The following DLGAP2 variants were observed in gnomAD, a reference collection of about 807,000 sequenced individuals.
DLGAP2 encodes the protein disks large-associated protein 2.
In DLGAP2, 26 loss-of-function variants were observed where a neutral mutation model predicts 100.3. The ratio of observed to expected loss-of-function variants is 0.26; its 90% CI spans 0.19 to 0.36. The LOEUF is 0.36. Among genes scored for constraint, DLGAP2 ranks in the 10% least tolerant of loss-of-function variants. The probability of loss-of-function intolerance (pLI) is 1.00; values close to 1 mark genes in which losing one functional copy is unlikely to be tolerated. For synonymous variants in DLGAP2, 886 were observed against 630.1 expected (o/e 1.41, Z -6.08); for missense variants, 1,858 against 1,453.2 (o/e 1.28, Z -4.53).
At chr8:1,327,267 C>T (rs77466898) in intron 3 of DLGAP2, among the ~76,000 whole-genome samples, 1,937 of 152,332 alleles carry the variant, frequency 0.013, 54 homozygotes, top group African/African-American at 0.044. Context: ...TTGGCCAAGG[C>T]GGATGTGATG....
At chr8:1,471,571 C>T (rs1047121561) in intron 3 of DLGAP2, among the ~76,000 whole-genome samples, 5 of 151,378 alleles carry the variant, frequency 3.3e-5, no homozygotes, top group Non-Finnish European at 7.4e-5. Context: ...ACGCCCTCCC[C>T]TCCCCAGCCT....
At chr8:1,380,226 G>A (rs764115029) in intron 3 of DLGAP2, 1 of 152,164 alleles carries the variant, frequency 6.6e-6, no homozygotes, top group African/African-American at 2.4e-5. Flanking sequence ...AGCACTTCAG[G>A]CAGCAAAGCG....
chr8:766,252 C>T (rs1050265333), intron 1 of DLGAP2, among the ~76,000 whole-genome samples: 2 of 152,238 alleles, frequency 1.3e-5, no homozygotes, highest in African/African-American at 2.4e-5. Context: ...TGCACATATG[C>T]ACACACACCC....
intron 3 of DLGAP2, among the ~76,000 whole-genome samples, chr8:1,444,021 A>G (rs545045011): frequency 6.5e-4 from 99 of 152,326 alleles, no homozygotes; most frequent in Middle Eastern, 3.4e-3. Context: ...TCCAGTGTTC[A>G]TGATCATTGT....
chr8:1,213,990 C>T (rs1041255065), intron 2 of DLGAP2, among the ~76,000 whole-genome samples: 8 of 151,404 alleles, frequency 5.3e-5, no homozygotes, highest in Admixed American at 4.6e-4. Flanking sequence ...CGCCTCTGCC[C>T]TAGCATCCAT....
chr8:1,701,332 T>C lies in DLGAP2; in HGVS notation c.3094T>C (p.Phe1032Leu). Residue 1032 changes from phenylalanine to leucine, a missense_variant, in exon 15 of 15, where the codon TTC becomes CTC. Physicochemically the swap from Phe to Leu is conservative, Grantham distance 22 (BLOSUM62 0). Coordinates refer to ENST00000637795, the MANE Select transcript of DLGAP2 (RefSeq NM_001346810.2). ...CATGGCCGCCAAGCGAGCGGCGTCC[T>C]TCCGGCAGAATTCCGCCTCCGAGCG... Reference protein sequence around the residue: ...RLMAAKRAASFRQNSASERAD... With the variant: ...RLMAAKRAASLRQNSASERAD... The C allele has an allele frequency of 6.3e-7, 1 of 1,592,632 alleles. No individual in the cohort carries two copies. The highest frequency in any genetic ancestry group is 8.5e-7 in the Non-Finnish European group (1 of 1,170,270).
intron 2 of DLGAP2, among the ~76,000 whole-genome samples, chr8:947,183 A>C (rs1236358067): frequency 2.0e-5 from 3 of 152,106 alleles, no homozygotes; most frequent in African/African-American, 4.8e-5. Flanking sequence ...AGTTGTTCTT[A>C]CTGTAAGAAC....
chr8:1,552,143 G>A (rs1456352468), intron 5 of DLGAP2, among the ~76,000 whole-genome samples: 1 of 152,140 alleles, frequency 6.6e-6, no homozygotes, highest in East Asian at 1.9e-4. Flanking sequence ...TGACGCCACT[G>A]GCCTCCCTCT....
intron 4 of DLGAP2, among the ~76,000 whole-genome samples, chr8:1,534,731 TA>T (rs1156677223): frequency 2.0e-5 from 3 of 152,232 alleles, no homozygotes; most frequent in African/African-American, 7.2e-5. Context: ...GGTCAAAGAT[TA>T]ATCACAAGGC....
intron 2 of DLGAP2, among the ~76,000 whole-genome samples, chr8:922,119 G>A (rs1269778360): frequency 4.6e-5 from 7 of 152,320 alleles, no homozygotes; most frequent in Admixed American, 1.3e-4. Flanking sequence ...AGCAAATGAC[G>A]ATCTGTCCTT....
At chr8:907,806 G>A (rs542795254) in intron 1 of DLGAP2, 106 bp from the exon 2 acceptor site, 1 of 395,770 alleles carries the variant, frequency 2.5e-6, no homozygotes, top group South Asian at 1.4e-4. Flanking sequence ...CTGACTTTGT[G>A]CAACATTGAA....
intron 2 of DLGAP2, among the ~76,000 whole-genome samples, chr8:1,152,418 C>T (rs1315616134): frequency 7.2e-5 from 11 of 152,200 alleles, no homozygotes; most frequent in Non-Finnish European, 1.2e-4. Context: ...AGTATTTAAA[C>T]GGGATGAAAT....
chr8:1,173,211 C>T (rs574932299), intron 2 of DLGAP2, among the ~76,000 whole-genome samples: 4 of 152,254 alleles, frequency 2.6e-5, no homozygotes, highest in Admixed American at 1.3e-4. Flanking sequence ...TCGTGAACCG[C>T]GAATGCTGCT....
intron 4 of DLGAP2, among the ~76,000 whole-genome samples, chr8:1,516,784 T>G (rs1800409273): frequency 6.6e-6 from 1 of 152,102 alleles, no homozygotes; most frequent in Non-Finnish European, 1.5e-5. Flanking sequence ...AGTGAGTGAA[T>G]CAGTGAGTGA....
At chr8:1,447,818 A>G (rs1798023542) in intron 3 of DLGAP2, among the ~76,000 whole-genome samples, 1 of 152,162 alleles carries the variant, frequency 6.6e-6, no homozygotes. Flanking sequence ...GTCTTGGGAC[A>G]GTGTATGTGT....
intron 2 of DLGAP2, among the ~76,000 whole-genome samples, chr8:1,121,520 C>G (rs2129047667): frequency 6.6e-6 from 1 of 152,108 alleles, no homozygotes; most frequent in Middle Eastern, 3.4e-3. Flanking sequence ...GAATCCATTA[C>G]CACCTATCCT....
chr8:1,373,438 G>A (rs998169383), intron 3 of DLGAP2, among the ~76,000 whole-genome samples: 1 of 152,206 alleles, frequency 6.6e-6, no homozygotes, highest in Non-Finnish European at 1.5e-5. Flanking sequence ...ACGGGGGGCC[G>A]GACAGAGAGC....
chr8:1,641,983 ACCTGTGTC>A lies in DLGAP2; in HGVS notation c.1810+8938_1810+8945del, dbSNP rs1563275470. Among the ~76,000 whole-genome samples the A allele has an allele frequency of 6.0e-3, 314 of 52,224 alleles. 2 individuals are homozygous for A. The highest frequency in any genetic ancestry group is 7.2e-3 in the Admixed American group (38 of 5,272). 34.3% of individuals were successfully genotyped at this position (52,224 alleles called of 152,430 possible). A position where few individuals can be genotyped will look rare whatever the true frequency, so the allele number is the denominator to read the frequency against. The stretch of plus-strand genomic sequence containing the variant: ...GTCACCCTCGACCCCGCCGGTCCCC[ACCTGTGTC>A]ACCCTCGACCCCGCTGGTCCTCACC... On this transcript the variant is annotated intron_variant, in intron 8 of 14. Transcript: ENST00000637795.
intron 1 of DLGAP2, among the ~76,000 whole-genome samples, chr8:845,472 A>C (rs1391721659): frequency 2.0e-5 from 3 of 152,210 alleles, no homozygotes; most frequent in East Asian, 1.9e-4. Flanking sequence ...CTTTGGGAGA[A>C]ATATCTATTA....
Sources: allele counts gnomAD v4.1 joint callset (sites outside exome capture counted in the v4.1 genomes callset), GRCh38; gene constraint gnomAD v4.1.1; transcripts MANE v1.5; gene names NCBI Gene and HGNC (gene_info 2026-07-23, HGNC 2026-07-21).